MACF1: variants seen among roughly 807,000 people sequenced by gnomAD.
MACF1 encodes the protein microtubule actin crosslinking factor 1.
In MACF1, 193 loss-of-function variants were observed where a neutral mutation model predicts 854.8. The ratio of observed to expected loss-of-function variants is 0.23; its 90% confidence interval spans 0.20 to 0.25. The LOEUF (loss-of-function observed/expected upper bound fraction) is 0.25, where lower values mean the gene tolerates loss of function less well. MACF1 is among the 10% of genes least tolerant of loss of function. The pLI is 1.00. For synonymous variants in MACF1, 3,185 were observed against 3,226.7 expected, an observed-to-expected ratio of 0.99 and a Z score of 0.44; for missense variants, 7,722 against 8,929.1, an observed-to-expected ratio of 0.86 and a Z score of 5.45.
Position 39,393,196 on chromosome 1 carries a change from AATATAT to A in MACF1, c.15816+4561_15816+4566del, listed in dbSNP as rs1553345251. On this transcript the variant is annotated intron_variant, in intron 58 of 100. Transcript: ENST00000564288. The stretch of plus-strand genomic sequence containing the variant: ...CTGGGAAGGGTAAAAAAAAAAAAAA[AATATAT>A]ATATATATATATATATATATATGTT... Among the ~76,000 whole-genome samples the A allele has an allele frequency of 4.2e-3, 280 of 66,560 alleles. 5 individuals carry two copies. Among genetic ancestry groups the A allele is most frequent in the African/African-American group, 0.021 (251 of 11,878 alleles). 43.7% of individuals were successfully genotyped at this position (66,560 alleles called of 152,430 possible).
chr1:39,477,550 G>A (rs1470474302), intron 97 of MACF1, among the ~76,000 whole-genome samples: 1 of 152,042 alleles, frequency 6.6e-6, no homozygotes, highest in Non-Finnish European at 1.5e-5. Context: ...GCCCTCCTGA[G>A]ATAGAGGTTG....
rs1336033258 is a variant in MACF1, at chr1:39,409,132, C to T, written c.15817-13242C>T. Among the ~76,000 whole-genome samples, 1 of 151,976 alleles carries T rather than the reference C, an allele frequency of 6.6e-6. No homozygotes were observed. Among genetic ancestry groups the T allele is most frequent in the Non-Finnish European group, 1.5e-5 (1 of 67,972 alleles). ...GCGCTGCGCGGGGGAGGAGGACTCG[C>T]CCCCCGCCCGACCCTAGCGGAGCCT... On this transcript the variant is annotated intron_variant, in intron 58 of 100. Coordinates refer to ENST00000564288, the MANE Select transcript of MACF1 (RefSeq NM_001394062.1). This position sits in a 1 kb window ranked among gnomAD's most constrained non-coding sequence, Gnocchi z 4.2.
intron 14 of MACF1, among the ~76,000 whole-genome samples, chr1:39,286,193 T>A (rs1645637793): frequency 6.6e-6 from 1 of 152,096 alleles, no homozygotes; most frequent in Admixed American, 6.6e-5. Context: ...TTTGTATTTT[T>A]AGTAGAGACG....
chr1:39,335,949 G>A lies in MACF1; in HGVS notation c.9361G>A (p.Ala3121Thr). Reference sequence around the variant, plus strand: ...GCACTACCAGGAATCAGATGGAAAAGCCCAAGTGACAGGCCCATCCCAAAT... The same window carrying A: ...GCACTACCAGGAATCAGATGGAAAAACCCAAGTGACAGGCCCATCCCAAAT... ...GLHYQESDGK[A>T]QVTGPSQISK... is the part of the protein sequence containing the mutation. Residue 3121 changes from alanine to threonine, a missense_variant, in exon 37 of 101, where the codon GCC becomes ACC. Ala to Thr is a moderately conservative substitution (Grantham distance 58). Coordinates refer to ENST00000564288, the MANE Select transcript of MACF1 (RefSeq NM_001394062.1). 1 of 1,614,096 alleles carries A rather than the reference G, an allele frequency of 6.2e-7. No individual in the cohort carries two copies. Among genetic ancestry groups the A allele is most frequent in the Non-Finnish European group, 8.5e-7 (1 of 1,180,004 alleles).
At chr1:39,411,700 G>A (rs1170759674) in intron 58 of MACF1, 1 of 1,613,744 alleles carries the variant, frequency 6.2e-7, no homozygotes, top group Non-Finnish European at 8.5e-7. Context: ...ATGTGAAGAA[G>A]GAGTAACTCC....
intron 41 of MACF1, among the ~76,000 whole-genome samples, chr1:39,348,232 C>G (rs1231632512): frequency 6.6e-6 from 1 of 152,100 alleles, no homozygotes. Flanking sequence ...TGAGCATGTG[C>G]AATGCTCGCA....
intron 2 of MACF1, among the ~76,000 whole-genome samples, chr1:39,236,769 C>CT (rs1644864275): frequency 6.6e-6 from 1 of 152,162 alleles, no homozygotes; most frequent in African/African-American, 2.4e-5. Flanking sequence ...TCAAGCGACT[C>CT]TCCTGCCTCA....
At chr1:39,427,643 A>C in intron 62 of MACF1, 29 bp downstream of exon 62, 5 of 1,594,950 alleles carry the variant, frequency 3.1e-6, no homozygotes, top group Non-Finnish European at 4.3e-6. Context: ...AAATGAAAAT[A>C]GAAAACTGGA....
chr1:39,440,944 G>C, intron 72 of MACF1, 59 bp from the exon 73 acceptor site: 1 of 1,598,890 alleles, frequency 6.3e-7, no homozygotes, highest in Non-Finnish European at 8.6e-7. Flanking sequence ...CATTTGCAAA[G>C]TTTGGTAAGT....
chr1:39,199,357 A>G (rs1482626347), intron 2 of MACF1, among the ~76,000 whole-genome samples: 2 of 150,364 alleles, frequency 1.3e-5, no homozygotes, highest in Non-Finnish European at 3.0e-5. Flanking sequence ...AAGTTCAGAC[A>G]TGGGCCAGAC....
rs1645667643 is a variant in MACF1 at position 39,287,497 on chromosome 1, T to G, written c.1720T>G (p.Ser574Ala). The G allele has an allele frequency of 6.2e-7, 1 of 1,614,104 alleles. No individual in the cohort carries two copies. ...TCGGGCTGAACTTGTGGCCATCAGC[T>G]CCTCTGAAGATGAAGGCAATCTCCG... ...MTRAELVAIS[S>A]SEDEGNLRFV... The change falls in exon 15 of 101, where the codon TCC becomes GCC. Residue 574 changes from serine (S) to alanine (A), a missense_variant. By Grantham distance (99) the Ser-to-Ala change is moderately conservative. Around this residue, in one of 15 missense-constraint regions of MACF1, gnomAD observed 1,137 missense variants for 1,263.0 expected, o/e 0.90. Transcript: ENST00000564288.
At chr1:39,412,886 C>T in intron 58 of MACF1, 1 of 1,609,704 alleles carries the variant, frequency 6.2e-7, no homozygotes, top group Non-Finnish European at 8.5e-7. Flanking sequence ...GTAGTTGCTG[C>T]TTTAGTGCCC....
chr1:39,430,114 G>C, intron 65 of MACF1, 46 bp downstream of exon 65: 1 of 1,573,082 alleles, frequency 6.4e-7, no homozygotes, highest in Non-Finnish European at 8.6e-7. Context: ...CTTCCTCTTT[G>C]TCAGAATCCT....
intron 58 of MACF1, among the ~76,000 whole-genome samples, chr1:39,390,817 T>C (rs1427627057): frequency 1.3e-5 from 2 of 152,152 alleles, no homozygotes; most frequent in African/African-American, 4.8e-5. Flanking sequence ...AAAATAGTTT[T>C]GTTTTATCAG....
intron 2 of MACF1, among the ~76,000 whole-genome samples, chr1:39,247,514 G>C (rs1000589137): frequency 6.6e-6 from 1 of 152,086 alleles, no homozygotes; most frequent in Non-Finnish European, 1.5e-5. Flanking sequence ...GGTTATGTCT[G>C]TTGTGTCTCT....
chr1:39,282,168 T>G, intron 6 of MACF1, 40 bp from the exon 7 acceptor site: 1 of 1,599,920 alleles, frequency 6.3e-7, no homozygotes, highest in South Asian at 1.1e-5. Flanking sequence ...AGACTTTGTC[T>G]TATTTATAAT....
chr1:39,307,901 C>CTTTTTTTTTTTTTTTTTTTTT lies in MACF1; in HGVS notation c.2790-1668_2790-1648dup, dbSNP rs34930273. Among the ~76,000 whole-genome samples, 75 of 50,400 alleles carry CTTTTTTTTTTTTTTTTTTTTT rather than the reference C, an allele frequency of 1.5e-3. 2 individuals carry two copies. Among genetic ancestry groups the CTTTTTTTTTTTTTTTTTTTTT allele is most frequent in the Middle Eastern group, 0.038 (1 of 26 alleles). 33.1% of individuals were successfully genotyped at this position (50,400 alleles called of 152,430 possible). A position where few individuals can be genotyped will look rare whatever the true frequency, so the allele number is the denominator to read the frequency against. Reference sequence around the variant, plus strand: ...TTATTTCTCTTTTCTTTCTTTCTTTCTTTTTTTTTTTTTTTTTTTTTGAGA... The same window carrying CTTTTTTTTTTTTTTTTTTTTT: ...TTATTTCTCTTTTCTTTCTTTCTTTCTTTTTTTTTTTTTTTTTTTTTTTTTTTTTTTTTTTTTTTTTTGAGA... On this transcript the variant is annotated intron_variant, in intron 23 of 100. Transcript: ENST00000564288.
At chr1:39,229,586 A>G (rs535988604) in intron 1 of MACF1, among the ~76,000 whole-genome samples, 2 of 152,170 alleles carry the variant, frequency 1.3e-5, no homozygotes, top group Non-Finnish European at 2.9e-5. Context: ...GGAAGAGTCA[A>G]GCAGCGGGCA....
chr1:39,391,831 G>A (rs1016147722), intron 58 of MACF1, among the ~76,000 whole-genome samples: 3 of 152,266 alleles, frequency 2.0e-5, no homozygotes, highest in Non-Finnish European at 2.9e-5. Flanking sequence ...AGCCAAATTC[G>A]TTTCACTGAT....
Sources: gnomAD v4.1 joint callset for allele counts (sites outside exome capture counted in the v4.1 genomes callset) on GRCh38, gnomAD v4.1.1 for gene constraint, gnomAD v4.1.1 regional missense constraint, Gnocchi (gnomAD v3.1) non-coding constraint, MANE v1.5 for transcripts, NCBI Gene and HGNC (gene_info 2026-07-23, HGNC 2026-07-21) for gene names.